CAMTA1: variants seen among roughly 807,000 people sequenced by gnomAD.
CAMTA1 encodes calmodulin binding transcription activator 1, also known as calmodulin-binding transcription activator 1.
A neutral mutation model predicts 170.9 loss-of-function variants in CAMTA1; 27 were observed. The ratio of observed to expected loss-of-function variants is 0.16; its 90% CI spans 0.12 to 0.22. The LOEUF is 0.22. CAMTA1 is among the 10% of genes least tolerant of loss of function. CAMTA1 has a pLI of 1.00. For missense variants in CAMTA1, 1,619 were observed against 2,217.2 expected (o/e 0.73, Z 5.42); for synonymous variants, 833 against 891.5 (o/e 0.93, Z 1.17).
At chr1:6,939,091 G>T (rs1251328087) in intron 3 of CAMTA1, among the ~76,000 whole-genome samples, 1 of 152,186 alleles carries the variant, frequency 6.6e-6, no homozygotes, top group African/African-American at 2.4e-5. Context: ...GACCCATAGG[G>T]CTGGCCCACA....
intron 5 of CAMTA1, among the ~76,000 whole-genome samples, chr1:7,408,340 A>G (rs2090450432): frequency 6.6e-6 from 1 of 152,336 alleles, no homozygotes; most frequent in Admixed American, 6.5e-5. Flanking sequence ...TCTGTGGAGT[A>G]AGAGGTGGAG....
chr1:6,830,059 C>T (rs1169473871), intron 3 of CAMTA1, among the ~76,000 whole-genome samples: 12 of 149,300 alleles, frequency 8.0e-5, no homozygotes, highest in South Asian at 4.2e-4. Context: ...TTTTTTGAGA[C>T]GGAGTCTCGC....
intron 3 of CAMTA1, among the ~76,000 whole-genome samples, chr1:6,846,576 A>G (rs142053094): frequency 4.3e-4 from 66 of 152,386 alleles, no homozygotes; most frequent in African/African-American, 1.4e-3. Context: ...AGCTGTAGTT[A>G]CGAAGACTTC....
rs954494320 is a variant in CAMTA1, at chr1:7,093,147, T to C, written c.302+1776T>C. Among the ~76,000 whole-genome samples the C allele has an allele frequency of 1.2e-4, 19 of 152,168 alleles. No homozygotes were observed. Among genetic ancestry groups the C allele is most frequent in the African/African-American group, 4.3e-4 (18 of 41,430 alleles). On this transcript the variant is annotated intron_variant, in intron 4 of 22. Coordinates refer to ENST00000303635, the MANE Select transcript of CAMTA1 (RefSeq NM_015215.4). The surrounding 1 kb of genome is among the most constrained non-coding windows in gnomAD (Gnocchi z 4.6). ...TTCTGCGGCATCTTCTTGGAGGACA[T>C]CATTCTCAAACTTGAGCAGGCATCA...
chr1:7,225,079 C>T (rs1394126552), intron 4 of CAMTA1, among the ~76,000 whole-genome samples: 1 of 151,722 alleles, frequency 6.6e-6, no homozygotes, highest in Non-Finnish European at 1.5e-5. Context: ...TCTTACTGAT[C>T]TTGGCAGATC....
chr1:7,481,229 C>G, intron 6 of CAMTA1, among the ~76,000 whole-genome samples: 1 of 152,296 alleles, frequency 6.6e-6, no homozygotes, highest in Admixed American at 6.5e-5. Flanking sequence ...TCACATCACC[C>G]TTATGCTTCA....
At chr1:7,599,526 TG>T (rs1049462405) in intron 6 of CAMTA1, among the ~76,000 whole-genome samples, 91 of 152,304 alleles carry the variant, frequency 6.0e-4, no homozygotes, top group South Asian at 1.4e-3. Flanking sequence ...TAAATTACCT[TG>T]GGGAGTATGG....
intron 3 of CAMTA1, among the ~76,000 whole-genome samples, chr1:7,037,935 A>G (rs1166145818): frequency 2.8e-5 from 4 of 144,808 alleles, no homozygotes; most frequent in Non-Finnish European, 4.6e-5. Context: ...TTTTTTTGCC[A>G]TATTTTAAAC....
chr1:6,848,730 A>G (rs1202544295), intron 3 of CAMTA1, among the ~76,000 whole-genome samples: 1 of 152,210 alleles, frequency 6.6e-6, no homozygotes, highest in Non-Finnish European at 1.5e-5. Flanking sequence ...AATTAAACTG[A>G]CAGATGATAG....
At chr1:7,162,264 G>A (rs1350556115) in intron 4 of CAMTA1, among the ~76,000 whole-genome samples, 13 of 152,280 alleles carry the variant, frequency 8.5e-5, no homozygotes, top group South Asian at 4.1e-4. Flanking sequence ...TGCAGTGGAC[G>A]CCATTCGAAG....
chr1:6,971,746 C>T lies in CAMTA1; in HGVS notation c.235-119558C>T, dbSNP rs76067820. Among the ~76,000 whole-genome samples the T allele has an allele frequency of 7.6e-3, 1,160 of 152,228 alleles. 13 individuals are homozygous for T. Among genetic ancestry groups the T allele is most frequent in the African/African-American group, 0.025 (1,058 of 41,530 alleles). ...GTGATTGGTGTGGATTCCTGCTCTC[C>T]GAAGGAAAAAGGAAAGAGAAGAAAA... On this transcript the variant is annotated intron_variant, in intron 3 of 22. Transcript: ENST00000303635. This position sits in a 1 kb window ranked among gnomAD's most constrained non-coding sequence, Gnocchi z 4.6.
chr1:7,266,605 G>A (rs573956233), intron 5 of CAMTA1, among the ~76,000 whole-genome samples: 2 of 152,338 alleles, frequency 1.3e-5, no homozygotes, highest in African/African-American at 4.8e-5. Context: ...AGACAGGACA[G>A]AGGAGTGCAA....
At chr1:7,594,924 G>A (rs565821842) in intron 6 of CAMTA1, among the ~76,000 whole-genome samples, 2 of 152,228 alleles carry the variant, frequency 1.3e-5, no homozygotes, top group Admixed American at 6.5e-5. Context: ...AGCACTATGG[G>A]TTCGGAATTG....
chr1:6,995,295 C>CTTTTCTTTT lies in CAMTA1; in HGVS notation c.235-96005_235-96004insCTTTTTTTT, dbSNP rs1697047615. On this transcript the variant is annotated intron_variant, in intron 3 of 22. Transcript: ENST00000303635. ...TCCTTTAAAATCTTTTTTTTCTTTT[C>CTTTTCTTTT]TTTTTTTTTTTTTTTTTTTTTTTTG... Among the ~76,000 whole-genome samples, 2 of 60,620 alleles carry CTTTTCTTTT rather than the reference C, an allele frequency of 3.3e-5. 1 individual carries two copies. Among genetic ancestry groups the CTTTTCTTTT allele is most frequent in the East Asian group, 1.1e-3 (2 of 1,790 alleles). The allele number at this position is 60,620 out of a possible 152,430, so 39.8% of individuals were successfully genotyped here.
chr1:6,887,607 GA>G lies in CAMTA1; in HGVS notation c.234+62400del. 7 of 1,527,804 alleles carry G rather than the reference GA, an allele frequency of 4.6e-6. No individual in the cohort carries two copies. The highest frequency in any genetic ancestry group is 6.1e-6 in the Non-Finnish European group (7 of 1,143,202). The allele number at this position is 1,527,804 out of a possible 1,614,324, so 94.6% of individuals were successfully genotyped here. A position where few individuals can be genotyped will look rare whatever the true frequency, so the allele number is the denominator to read the frequency against. ...GCAAATTTTTCTTCAGTTAAAAACA[GA>G]AATAGAAGCGACGGTTTTGACCCAT... On this transcript the variant is annotated intron_variant, in intron 3 of 22. Coordinates refer to ENST00000303635, the MANE Select transcript of CAMTA1 (RefSeq NM_015215.4). This position sits in a 1 kb window ranked among gnomAD's most constrained non-coding sequence, Gnocchi z 4.1.
chr1:7,638,103 T>C (rs12096837), intron 6 of CAMTA1, among the ~76,000 whole-genome samples: 11,321 of 152,196 alleles, frequency 0.074, 1,060 homozygotes, highest in African/African-American at 0.22. Flanking sequence ...CATATATTCA[T>C]GTATGACTCT....
intron 11 of CAMTA1, among the ~76,000 whole-genome samples, chr1:7,726,996 T>C (rs976490060): frequency 6.6e-6 from 1 of 152,202 alleles, no homozygotes. Flanking sequence ...GGACATCCAC[T>C]TGGAAGCCCT....
chr1:7,045,155 A>G (rs973371268), intron 3 of CAMTA1, among the ~76,000 whole-genome samples: 2 of 152,072 alleles, frequency 1.3e-5, no homozygotes, highest in African/African-American at 4.8e-5. Flanking sequence ...CCGAGAAGCC[A>G]GCACTAATAT....
intron 3 of CAMTA1, among the ~76,000 whole-genome samples, chr1:6,831,412 G>C (rs1022150491): frequency 6.6e-6 from 1 of 152,196 alleles, no homozygotes; most frequent in Non-Finnish European, 1.5e-5. Context: ...TAACACAACT[G>C]TCTGAATTCA....
Sources: gnomAD v4.1 joint callset for allele counts (sites outside exome capture counted in the v4.1 genomes callset) on GRCh38, gnomAD v4.1.1 for gene constraint, Gnocchi (gnomAD v3.1) non-coding constraint, MANE v1.5 for transcripts, NCBI Gene and HGNC (gene_info 2026-07-23, HGNC 2026-07-21) for gene names.